DMD: variants seen among roughly 807,000 people sequenced by gnomAD.
DMD encodes the protein mutant dystrophin.
In DMD, 63 loss-of-function variants were observed where a neutral mutation model predicts 330.1. That is an observed-to-expected ratio of 0.19 (90% CI 0.16 to 0.24). The LOEUF (loss-of-function observed/expected upper bound fraction) is 0.24, where lower values mean the gene tolerates loss of function less well. Among genes scored for constraint, DMD ranks in the 10% least tolerant of loss-of-function variants. The probability of loss-of-function intolerance (pLI) is 1.00; values close to 1 mark genes in which losing one functional copy is unlikely to be tolerated. For synonymous variants in DMD, 1,223 were observed against 959.8 expected (o/e 1.27, Z -5.07); for missense variants, 3,344 against 2,684.1 (o/e 1.25, Z -5.43).
chrX:33,111,019 C>T (rs16990898), intron 1 of DMD, among the ~76,000 whole-genome samples: 3,630 of 111,058 alleles, frequency 0.033, 156 homozygotes, highest in African/African-American at 0.11. Flanking sequence ...TTTGCTTATA[C>T]ACAGATGCTT....
At chrX:32,861,937 G>A (rs887190432) in intron 2 of DMD, among the ~76,000 whole-genome samples, 4 of 111,802 alleles carry the variant, frequency 3.6e-5, no homozygotes, top group African/African-American at 1.3e-4. Flanking sequence ...GAAGGCCTAC[G>A]TGTTACTTCC....
intron 44 of DMD, among the ~76,000 whole-genome samples, chrX:31,979,564 T>A (rs2095461911): frequency 9.0e-6 from 1 of 111,522 alleles, no homozygotes; most frequent in African/African-American, 3.3e-5. Context: ...CATAGCACAT[T>A]TGGTAAAAAG....
chrX:33,266,395 T>C (rs2053042155), intron 1 of DMD, among the ~76,000 whole-genome samples: 2 of 111,919 alleles, frequency 1.8e-5, no homozygotes, highest in South Asian at 3.7e-4. Flanking sequence ...ATGTTCTCTA[T>C]AGAAAACCAA....
chrX:31,214,937 C>CTTTTTTCTTTTTTTTTTTTTTTTTTTT (rs1556299261), intron 64 of DMD, among the ~76,000 whole-genome samples: 9 of 38,101 alleles, frequency 2.4e-4, no homozygotes, highest in African/African-American at 4.6e-4. Flanking sequence ...TTTCTTTTTT[C>CTTTTTTCTTTTTTTTTTTTTTTTTTTT]TTTTTTTTTT....
chrX:32,570,156 A>T (rs757734355), intron 15 of DMD, among the ~76,000 whole-genome samples: 2 of 111,848 alleles, frequency 1.8e-5, no homozygotes, highest in Admixed American at 1.9e-4. Context: ...TTTTGAAACA[A>T]ATTACACTTA....
At chrX:33,235,043 T>G (rs760972176) in intron 1 of DMD, among the ~76,000 whole-genome samples, 22 of 111,745 alleles carry the variant, frequency 2.0e-4, no homozygotes, top group Non-Finnish European at 1.5e-4. Flanking sequence ...TCCCCACAAC[T>G]CCATCAGAGA....
chrX:32,975,018 C>A (rs1456233192), intron 2 of DMD, among the ~76,000 whole-genome samples: 1 of 111,872 alleles, frequency 8.9e-6, no homozygotes, highest in African/African-American at 3.2e-5. Context: ...TTATTGTTTT[C>A]AAGAGCCATC....
chrX:31,808,561 A>C (rs181481364), intron 50 of DMD, among the ~76,000 whole-genome samples: 2 of 112,106 alleles, frequency 1.8e-5, no homozygotes, highest in Admixed American at 1.9e-4. Context: ...GAGATTCCTC[A>C]AGCTGTATGC....
intron 1 of DMD, among the ~76,000 whole-genome samples, chrX:33,224,967 A>G (rs183693681): frequency 9.3e-4 from 104 of 111,711 alleles, no homozygotes; most frequent in African/African-American, 3.3e-3. Flanking sequence ...ATATTTTACT[A>G]TGTCACAAAA....
intron 7 of DMD, among the ~76,000 whole-genome samples, chrX:32,700,496 C>G (rs1188515584): frequency 9.0e-6 from 1 of 110,832 alleles, no homozygotes; most frequent in East Asian, 2.8e-4. Context: ...ATTGTACAAC[C>G]TAGTTTATAA....
At chrX:31,510,576 T>G (rs761858233) in intron 55 of DMD, among the ~76,000 whole-genome samples, 1 of 103,941 alleles carries the variant, frequency 9.6e-6, no homozygotes, top group Admixed American at 1.1e-4. Context: ...GGCGCGATCT[T>G]GGCTCACTGC....
At chrX:32,953,459 A>G (rs752057035) in intron 2 of DMD, among the ~76,000 whole-genome samples, 1 of 112,374 alleles carries the variant, frequency 8.9e-6, no homozygotes, top group African/African-American at 3.2e-5. Context: ...AATGATAAAT[A>G]TTAAATATCG....
chrX:32,218,823 A>C lies in DMD; in HGVS notation c.6291-1760T>G, dbSNP rs58400027. ...GTAGAGAGAGGCTTCTAACCCAAAT[A>C]TCTCTTGTTTCAATGGCACTTTTCT... On this transcript the variant is annotated intron_variant, in intron 43 of 78. Coordinates refer to ENST00000357033, the MANE Select transcript of DMD (RefSeq NM_004006.3). 9.6e-3 allele frequency among the ~76,000 whole-genome samples: 1,073 copies of C among 111,619 alleles called. 15 individuals are homozygous for C. The highest frequency in any genetic ancestry group is 0.033 in the African/African-American group (1,025 of 30,755).
intron 18 of DMD, among the ~76,000 whole-genome samples, chrX:32,513,684 A>G (rs1420225744): frequency 2.7e-5 from 3 of 111,895 alleles, no homozygotes; most frequent in Non-Finnish European, 3.8e-5. Flanking sequence ...GCAAACATCA[A>G]TTAAAATTGT....
chrX:32,433,001 A>G (rs1327885832), intron 29 of DMD, among the ~76,000 whole-genome samples: 2 of 112,313 alleles, frequency 1.8e-5, no homozygotes, highest in Non-Finnish European at 3.8e-5. Flanking sequence ...GACATCTTTG[A>G]AAGGGACTGA....
At chrX:32,172,121 C>T (rs889700457) in intron 44 of DMD, among the ~76,000 whole-genome samples, 3 of 111,732 alleles carry the variant, frequency 2.7e-5, no homozygotes, top group Middle Eastern at 8.4e-3. Context: ...CAAATATGTA[C>T]TTATTCATTT....
chrX:31,187,525 G>A (rs908542725), intron 67 of DMD, among the ~76,000 whole-genome samples: 3 of 111,772 alleles, frequency 2.7e-5, no homozygotes, highest in African/African-American at 9.8e-5. Flanking sequence ...AAATCTCTGA[G>A]TCAGTGTTTC....
At chrX:31,831,804 A>G (rs188151445) in intron 49 of DMD, among the ~76,000 whole-genome samples, 3,716 of 111,794 alleles carry the variant, frequency 0.033, 119 homozygotes, top group African/African-American at 0.099. Context: ...GGGTTTCACC[A>G]TGTTAGCCAG....
At chrX:31,804,643 G>A (rs1322297337) in intron 50 of DMD, among the ~76,000 whole-genome samples, 1 of 111,251 alleles carries the variant, frequency 9.0e-6, no homozygotes, top group African/African-American at 3.3e-5. Flanking sequence ...GCATCATCTG[G>A]AATGTCCTCC....
Sources: allele counts gnomAD v4.1 joint callset (sites outside exome capture counted in the v4.1 genomes callset), GRCh38; gene constraint gnomAD v4.1.1; transcripts MANE v1.5; gene names NCBI Gene and HGNC (gene_info 2026-07-23, HGNC 2026-07-21).